Variants in PREX2 observed in about 807,000 individuals in gnomAD.
PREX2 encodes phosphatidylinositol 3,4,5-trisphosphate-dependent Rac exchanger 2 protein.
A neutral mutation model predicts 203.2 loss-of-function variants in PREX2; 107 were observed. The observed-to-expected ratio is 0.53, with a 90% CI of 0.45 to 0.62. The LOEUF (loss-of-function observed/expected upper bound fraction) is 0.62, where lower values mean the gene tolerates loss of function less well. Ranked by LOEUF, PREX2 falls within the 20% of genes least tolerant of loss-of-function variation. The pLI, the probability that PREX2 is intolerant of heterozygous loss-of-function variation, is 0.00. For synonymous variants in PREX2, 672 were observed against 663.6 expected (o/e 1.01, Z -0.19); for missense variants, 1,777 against 1,955.9 (o/e 0.91, Z 1.72).
chr8:67,991,059 G>A (rs1161982210), intron 1 of PREX2, among the ~76,000 whole-genome samples: 3 of 152,112 alleles, frequency 2.0e-5, no homozygotes, highest in South Asian at 2.1e-4. Flanking sequence ...TGTATGTGTC[G>A]GTGAGTTTTC....
At chr8:68,097,856 A>G (rs1810131168) in intron 22 of PREX2, among the ~76,000 whole-genome samples, 1 of 152,218 alleles carries the variant, frequency 6.6e-6, no homozygotes, top group Admixed American at 6.5e-5. Flanking sequence ...TCTTAAATGT[A>G]CATAATCCTC....
intron 1 of PREX2, among the ~76,000 whole-genome samples, chr8:68,009,717 G>A (rs541972761): frequency 6.6e-6 from 1 of 152,202 alleles, no homozygotes; most frequent in East Asian, 1.9e-4. Flanking sequence ...CATTAAGTTT[G>A]TTTACAAATA....
chr8:68,080,463 A>G lies in PREX2; in HGVS notation c.1663A>G (p.Lys555Glu), dbSNP rs1809481755. 1 of 1,611,606 alleles carries G rather than the reference A, an allele frequency of 6.2e-7. No individual in the cohort carries two copies. The highest frequency in any genetic ancestry group is 8.5e-7 in the Non-Finnish European group (1 of 1,179,496). The change falls in exon 16 of 40, where the codon AAA becomes GAA. Residue 555 changes from lysine to glutamate, a missense_variant. Transcript: ENST00000288368. ...TGTAGTCCTTGAAAAAAGCGAATTC[A>G]AAGATGAACCCCTACTTTTCCGTTT... ...MHHVLEKSEF[K>E]DEPLLFRFFS...
rs1423081868 is a variant in PREX2, at chr8:68,232,886, A to C, written c.*1508A>C. On this transcript the variant is annotated 3_prime_UTR_variant, in exon 40 of 40. Transcript: ENST00000288368. The stretch of plus-strand genomic sequence containing the variant: ...ACCCACCTCAGCCTCCCAAAGTGCT[A>C]GGATTACAGGCGTGAGCCGCTGCTC... 4 of 152,186 alleles carry C rather than the reference A, an allele frequency of 2.6e-5. No homozygotes were observed. In the East Asian group the frequency reaches 7.7e-4, roughly 29 times the overall value. The allele number at this position is 152,186 out of a possible 1,614,324, so 9.4% of individuals were successfully genotyped here.
At chr8:68,214,449 G>A (rs1056805389) in intron 37 of PREX2, among the ~76,000 whole-genome samples, 6 of 152,120 alleles carry the variant, frequency 3.9e-5, no homozygotes, top group Admixed American at 2.6e-4. Context: ...CCTTTAATAT[G>A]CTCCTTTCTT....
rs1812868732 is a variant in PREX2 at position 68,217,634 on chromosome 8, G to A, written c.4623G>A (p.Thr1541=). 22 of 1,614,078 alleles carry A rather than the reference G, an allele frequency of 1.4e-5. No individual in the cohort carries two copies. The highest frequency in any genetic ancestry group is 1.6e-5 in the Non-Finnish European group (19 of 1,179,982). ...SGVHRCTLSV[T]LEQAIILARS... ...CCCACAGGTGCACCCTGAGCGTGAC[G>A]CTGGAGCAAGCCATCATTCTGGCCA... Residue 1541 remains threonine (T), a synonymous_variant, in exon 38 of 40, where the codon ACG becomes ACA. Transcript: ENST00000288368.
chr8:68,120,865 G>T (rs779107961), intron 29 of PREX2, 56 bp from the exon 30 acceptor site: 2 of 1,522,772 alleles, frequency 1.3e-6, no homozygotes, highest in Non-Finnish European at 9.0e-7. Flanking sequence ...AAGCCTAAAG[G>T]CTTCATTGTT....
intron 35 of PREX2, among the ~76,000 whole-genome samples, chr8:68,168,876 T>C (rs1811813723): frequency 6.6e-6 from 1 of 151,640 alleles, no homozygotes; most frequent in Admixed American, 6.6e-5. Context: ...GGAAAGTAAT[T>C]TGTTTACTTA....
chr8:68,114,913 G>A lies in PREX2; in HGVS notation c.3147-840G>A, dbSNP rs141888723. 4.4e-3 allele frequency among the ~76,000 whole-genome samples: 676 copies of A among 152,156 alleles called. 3 individuals carry two copies. Among genetic ancestry groups the A allele is most frequent in the Non-Finnish European group, 4.4e-3 (302 of 68,006 alleles). On this transcript the variant is annotated intron_variant, in intron 25 of 39. Coordinates refer to ENST00000288368, the MANE Select transcript of PREX2 (RefSeq NM_024870.4). The stretch of plus-strand genomic sequence containing the variant: ...GGTGGGTTTTTAATACTGAATATGA[G>A]CCAGTGAGGACATGAAGGCCCATTT...
intron 7 of PREX2, among the ~76,000 whole-genome samples, chr8:68,041,427 C>G (rs968175751): frequency 4.6e-5 from 7 of 151,966 alleles, no homozygotes. Flanking sequence ...TATTAGAATT[C>G]CCTAGTAAGA....
At chr8:68,202,026 C>T (rs1812514316) in intron 37 of PREX2, among the ~76,000 whole-genome samples, 1 of 151,576 alleles carries the variant, frequency 6.6e-6, no homozygotes, top group Non-Finnish European at 1.5e-5. Context: ...CTTCCTCAGC[C>T]TCCCGAGTAG....
rs565342500 is a variant in PREX2 at position 68,013,332 on chromosome 8, G to C, written c.142-4514G>C. ...TATGCTTTCCCTAAGTTACATCTTT[G>C]TGCCAGTGACAATCAACTTTTTACT... is the stretch of plus-strand genomic sequence containing the variant. On this transcript the variant is annotated intron_variant, in intron 1 of 39. Coordinates refer to ENST00000288368, the MANE Select transcript of PREX2 (RefSeq NM_024870.4). 3.3e-5 allele frequency among the ~76,000 whole-genome samples: 5 copies of C among 152,198 alleles called. No individual in the cohort carries two copies. In the South Asian group the frequency reaches 8.3e-4, roughly 25 times the overall value.
At chr8:68,125,762 A>AT (rs1367367437) in intron 30 of PREX2, among the ~76,000 whole-genome samples, 4 of 151,668 alleles carry the variant, frequency 2.6e-5, no homozygotes, top group South Asian at 2.1e-4. Flanking sequence ...TAAATCTCAT[A>AT]TTTTTTTTAG....
chr8:68,075,853 T>C (rs561655958), intron 14 of PREX2, among the ~76,000 whole-genome samples: 3 of 152,270 alleles, frequency 2.0e-5, no homozygotes, highest in South Asian at 4.1e-4. Context: ...CAGCATGAGG[T>C]AGGACCCTTA....
intron 1 of PREX2, among the ~76,000 whole-genome samples, chr8:68,011,280 T>C (rs879285992): frequency 6.6e-6 from 1 of 152,134 alleles, no homozygotes; most frequent in Non-Finnish European, 1.5e-5. Flanking sequence ...ACAAATGCTA[T>C]TTTAAAACTT....
intron 13 of PREX2, 23 bp downstream of exon 13, chr8:68,069,907 G>A (rs1248720470): frequency 1.1e-5 from 15 of 1,391,022 alleles, no homozygotes; most frequent in Non-Finnish European, 1.3e-5. Context: ...TTTAAGTTCT[G>A]GGAAACTTAA....
intron 10 of PREX2, among the ~76,000 whole-genome samples, chr8:68,056,800 T>C (rs1441062998): frequency 6.6e-6 from 1 of 152,354 alleles, no homozygotes; most frequent in Non-Finnish European, 1.5e-5. Context: ...ACTGGAGTCA[T>C]AGTTTACAGT....
chr8:68,143,450 C>T (rs1276693046), intron 33 of PREX2, among the ~76,000 whole-genome samples: 1 of 152,166 alleles, frequency 6.6e-6, no homozygotes, highest in Non-Finnish European at 1.5e-5. Context: ...CATCTTGCTT[C>T]CTGTACAGCC....
chr8:67,961,407 C>A (rs1019603511), intron 1 of PREX2, among the ~76,000 whole-genome samples: 1 of 151,654 alleles, frequency 6.6e-6, no homozygotes, highest in East Asian at 1.9e-4. Context: ...AAATCAAGAT[C>A]TTTGATTTAA....
Sources: gnomAD v4.1 joint callset for allele counts (sites outside exome capture counted in the v4.1 genomes callset) on GRCh38, gnomAD v4.1.1 for gene constraint, MANE v1.5 for transcripts, NCBI Gene and HGNC (gene_info 2026-07-23, HGNC 2026-07-21) for gene names.